ROBO2: variants seen among roughly 807,000 people sequenced by gnomAD.
ROBO2 encodes roundabout homolog 2.
ROBO2 carries 53 observed loss-of-function variants against 160.8 expected under a neutral mutation model. The ratio of observed to expected loss-of-function variants is 0.33; its 90% confidence interval spans 0.26 to 0.41. The LOEUF is 0.41. ROBO2 is among the 10% of genes least tolerant of loss of function. The pLI is 1.00. For synonymous variants in ROBO2, 664 were observed against 611.7 expected (o/e 1.09, Z -1.26); for missense variants, 1,577 against 1,722.4 (o/e 0.92, Z 1.49).
Position 77,612,990 on chromosome 3 carries a change from A to C in ROBO2, c.3294-4523A>C, listed in dbSNP as rs538152693. Reference sequence around the variant, plus strand: ...AAAAAATAGAAAAATTGGTGATAACATTAATTCTAGTTAATGGGAATAGCT... The same window carrying C: ...AAAAAATAGAAAAATTGGTGATAACCTTAATTCTAGTTAATGGGAATAGCT... On this transcript the variant is annotated intron_variant, in intron 21 of 25. Coordinates refer to ENST00000461745, the Ensembl canonical transcript of ROBO2. 2.0e-5 allele frequency among the ~76,000 whole-genome samples: 3 copies of C among 152,316 alleles called. No homozygotes were observed. In the East Asian group the frequency reaches 5.8e-4, roughly 29 times the overall value.
intron 2 of ROBO2, among the ~76,000 whole-genome samples, chr3:76,603,639 C>T (rs1355867834): frequency 6.6e-6 from 1 of 151,494 alleles, no homozygotes; most frequent in Non-Finnish European, 1.5e-5. Flanking sequence ...GCTATGGGTG[C>T]TGCATATACA....
intron 2 of ROBO2, among the ~76,000 whole-genome samples, chr3:76,450,571 C>G (rs1696549563): frequency 1.3e-5 from 2 of 152,136 alleles, no homozygotes; most frequent in African/African-American, 2.4e-5. Context: ...CAGCCTCATC[C>G]TCTTGAGTAG....
chr3:76,324,789 A>G (rs1305975717), intron 2 of ROBO2, among the ~76,000 whole-genome samples: 3 of 152,228 alleles, frequency 2.0e-5, no homozygotes, highest in Non-Finnish European at 2.9e-5. Context: ...GTTACCTAAT[A>G]TAATCTGAGA....
chr3:76,265,508 A>T (rs1707042886), intron 2 of ROBO2, among the ~76,000 whole-genome samples: 1 of 152,208 alleles, frequency 6.6e-6, no homozygotes, highest in African/African-American at 2.4e-5. Context: ...ATAAATTCAT[A>T]GCAGTAGACG....
At chr3:77,200,415 A>G (rs1215768670) in intron 2 of ROBO2, among the ~76,000 whole-genome samples, 1 of 149,528 alleles carries the variant, frequency 6.7e-6, no homozygotes, top group Non-Finnish European at 1.5e-5. Context: ...TATTAAATCA[A>G]TTTTAGAGCC....
intron 2 of ROBO2, among the ~76,000 whole-genome samples, chr3:76,347,854 T>C (rs918416270): frequency 2.6e-5 from 4 of 152,276 alleles, no homozygotes; most frequent in African/African-American, 9.6e-5. Flanking sequence ...CATCATACTA[T>C]ATATTAAGCA....
intron 2 of ROBO2, among the ~76,000 whole-genome samples, chr3:77,243,576 C>T (rs2089329804): frequency 1.3e-5 from 2 of 152,092 alleles, no homozygotes; most frequent in South Asian, 2.1e-4. Context: ...ACTATAGTCC[C>T]CTCCATTTTT....
At chr3:77,378,204 T>G (rs2072948303) in intron 2 of ROBO2, among the ~76,000 whole-genome samples, 1 of 152,204 alleles carries the variant, frequency 6.6e-6, no homozygotes. Flanking sequence ...ATTGTCTTAT[T>G]GAAACTCAAT....
At chr3:76,327,028 A>T (rs2073089677) in intron 2 of ROBO2, among the ~76,000 whole-genome samples, 1 of 152,016 alleles carries the variant, frequency 6.6e-6, no homozygotes. Flanking sequence ...TGTTATGAAT[A>T]TCTTTGAGTA....
At chr3:76,411,039 A>G (rs1233834830) in intron 2 of ROBO2, among the ~76,000 whole-genome samples, 1 of 152,104 alleles carries the variant, frequency 6.6e-6, no homozygotes, top group Non-Finnish European at 1.5e-5. Context: ...ATGATAGGTT[A>G]TCATGAATGA....
chr3:75,982,689 CTGTTG>C (rs1261152473), intron 2 of ROBO2, among the ~76,000 whole-genome samples: 1 of 151,496 alleles, frequency 6.6e-6, no homozygotes, highest in African/African-American at 2.4e-5. Context: ...TAAATCACTG[CTGTTG>C]TGTTCTTCCT....
chr3:76,805,371 T>G (rs961664911), intron 2 of ROBO2, among the ~76,000 whole-genome samples: 5 of 152,030 alleles, frequency 3.3e-5, no homozygotes, highest in African/African-American at 4.8e-5. Flanking sequence ...TTGAGTGCTT[T>G]CTTTCTATCA....
intron 2 of ROBO2, among the ~76,000 whole-genome samples, chr3:77,342,869 A>G (rs1439417263): frequency 6.6e-6 from 1 of 152,208 alleles, no homozygotes; most frequent in African/African-American, 2.4e-5. Flanking sequence ...TAGTTGGCTC[A>G]GGCTAGTGTA....
rs187032174 is a variant in ROBO2, at chr3:77,514,883, G to A, written c.807-7892G>A. ...ACTTGAAACCTATTAGTTTTAGGGAGCAAATTATTGTCTTAGGGAAACCAT... is the reference window on the plus strand; with the variant it reads ...ACTTGAAACCTATTAGTTTTAGGGAACAAATTATTGTCTTAGGGAAACCAT... On this transcript the variant is annotated intron_variant, in intron 5 of 25. Transcript: ENST00000461745. Among the ~76,000 whole-genome samples the A allele has an allele frequency of 3.4e-3, 518 of 151,788 alleles. 6 individuals are homozygous for A. Among genetic ancestry groups the A allele is most frequent in the African/African-American group, 0.012 (495 of 41,478 alleles).
chr3:77,138,955 G>A (rs1437819122), intron 2 of ROBO2, among the ~76,000 whole-genome samples: 1 of 152,118 alleles, frequency 6.6e-6, no homozygotes, highest in Non-Finnish European at 1.5e-5. Context: ...CAAAGCATGA[G>A]GGTCTCTGTG....
At chr3:76,079,785 G>T (rs558484104) in intron 2 of ROBO2, among the ~76,000 whole-genome samples, 3 of 151,974 alleles carry the variant, frequency 2.0e-5, no homozygotes, top group South Asian at 4.2e-4. Flanking sequence ...ATGAAGTAAA[G>T]TCTGACTAAG....
chr3:76,957,259 C>CAA (rs1177126355), intron 2 of ROBO2, among the ~76,000 whole-genome samples: 1 of 151,892 alleles, frequency 6.6e-6, no homozygotes, highest in African/African-American at 2.4e-5. Flanking sequence ...CTCTTGTTAA[C>CAA]AAAGAAAAGT....
chr3:76,287,134 T>C (rs1439628424), intron 2 of ROBO2, among the ~76,000 whole-genome samples: 5 of 152,140 alleles, frequency 3.3e-5, no homozygotes, highest in African/African-American at 9.7e-5. Context: ...CTATCCTGAC[T>C]GATAAGAGGA....
chr3:77,403,716 C>T (rs774077381), intron 2 of ROBO2, among the ~76,000 whole-genome samples: 1 of 151,504 alleles, frequency 6.6e-6, no homozygotes, highest in Non-Finnish European at 1.5e-5. Flanking sequence ...GCAGATATCT[C>T]TTTGGTATAG....
Sources: gnomAD v4.1 joint callset for allele counts (sites outside exome capture counted in the v4.1 genomes callset) on GRCh38, gnomAD v4.1.1 for gene constraint, MANE v1.5 for transcripts, NCBI Gene and HGNC (gene_info 2026-07-23, HGNC 2026-07-21) for gene names.